SERPINE2: variants seen among roughly 807,000 people sequenced by gnomAD.
The protein encoded by SERPINE2 is serpin family E member 2, also known as glia-derived nexin.
Under a neutral mutation model 36.3 loss-of-function variants are expected in SERPINE2, and 14 were observed. The ratio of observed to expected loss-of-function variants is 0.39; its 90% confidence interval spans 0.25 to 0.60. The LOEUF (loss-of-function observed/expected upper bound fraction) is 0.60, where lower values mean the gene tolerates loss of function less well. SERPINE2 is among the 20% of genes least tolerant of loss of function. SERPINE2 has a pLI of 0.57. For missense variants in SERPINE2, 418 were observed against 499.6 expected (o/e 0.84, Z 1.56); for synonymous variants, 192 against 191.8 (o/e 1.00, Z -0.01).
chr2:224,027,808 G>A (rs1349910785), intron 1 of SERPINE2, among the ~76,000 whole-genome samples: 1 of 152,064 alleles, frequency 6.6e-6, no homozygotes, highest in African/African-American at 2.4e-5. Context: ...ATACTTCTGT[G>A]CCCCTCTAAG....
At chr2:224,020,920 T>G (rs1193465109) in intron 1 of SERPINE2, among the ~76,000 whole-genome samples, 2 of 152,202 alleles carry the variant, frequency 1.3e-5, no homozygotes, top group East Asian at 1.9e-4. Flanking sequence ...GCACTATGAA[T>G]GGATGGTCAA....
Position 224,039,278 on chromosome 2 carries a change from C to A in SERPINE2, c.-202G>T, listed in dbSNP as rs1372390512. The stretch of plus-strand genomic sequence containing the variant: ...CAGACGCCGCGCAGCCCGGGCAGCC[C>A]CACAGCGCAAGCTGGCTGCCGCGGC... On this transcript the variant is annotated 5_prime_UTR_variant, in exon 1 of 9. Coordinates refer to ENST00000409304, the MANE Select transcript of SERPINE2 (RefSeq NM_001136528.2). The surrounding 1 kb of genome is among the most constrained non-coding windows in gnomAD (Gnocchi z 5.2). The A allele has an allele frequency of 2.0e-5, 3 of 150,478 alleles. No individual in the cohort carries two copies. Among genetic ancestry groups the A allele is most frequent in the Non-Finnish European group, 4.5e-5 (3 of 67,364 alleles). 9.3% of individuals were successfully genotyped at this position (150,478 alleles called of 1,614,324 possible). A position where few individuals can be genotyped will look rare whatever the true frequency, so the allele number is the denominator to read the frequency against.
intron 1 of SERPINE2, among the ~76,000 whole-genome samples, chr2:224,007,415 T>TC (rs1387106517): frequency 3.3e-5 from 5 of 151,916 alleles, no homozygotes; most frequent in African/African-American, 4.8e-5. Context: ...TATTTAATAC[T>TC]CCCCCCCATA....
intron 1 of SERPINE2, among the ~76,000 whole-genome samples, chr2:224,002,563 G>A (rs1458702147): frequency 6.6e-6 from 1 of 151,880 alleles, no homozygotes; most frequent in East Asian, 1.9e-4. Context: ...CGCAATCTCG[G>A]CTCACTGCAA....
chr2:224,032,669 A>G (rs1175180563), intron 1 of SERPINE2, among the ~76,000 whole-genome samples: 1 of 152,176 alleles, frequency 6.6e-6, no homozygotes, highest in Non-Finnish European at 1.5e-5. Flanking sequence ...GTAAATTCCA[A>G]TTCTCAAATG....
chr2:223,982,417 C>T (rs548973255), intron 6 of SERPINE2: 42 of 304,018 alleles, frequency 1.4e-4, no homozygotes, highest in African/African-American at 6.6e-4. Flanking sequence ...TCTCAGACTT[C>T]ATCGCTATAT....
chr2:224,039,020 C>G lies in SERPINE2; in HGVS notation c.-23+79G>C, dbSNP rs1362810998. 1.3e-5 allele frequency: 2 copies of G among 151,758 alleles called. No homozygotes were observed. Among genetic ancestry groups the G allele is most frequent in the Non-Finnish European group, 2.9e-5 (2 of 67,998 alleles). 9.4% of individuals were successfully genotyped at this position (151,758 alleles called of 1,614,324 possible). On this transcript the variant is annotated intron_variant, in intron 1 of 8. Coordinates refer to ENST00000409304, the MANE Select transcript of SERPINE2 (RefSeq NM_001136528.2). The surrounding 1 kb of genome is among the most constrained non-coding windows in gnomAD (Gnocchi z 5.2). ...CAAGGTCAGGGAGCAGGGCCGGTGG[C>G]GCGCGGAGCCCCGGGGAGCGTCCCC... is the stretch of plus-strand genomic sequence containing the variant.
chr2:224,024,451 T>C (rs1204407247), intron 1 of SERPINE2, among the ~76,000 whole-genome samples: 1 of 152,184 alleles, frequency 6.6e-6, no homozygotes, highest in Non-Finnish European at 1.5e-5. Flanking sequence ...TTTGCTACAG[T>C]TGATGCTAAT....
At chr2:223,981,300 C>T (rs1307128521) in intron 6 of SERPINE2, 1 of 152,124 alleles carries the variant, frequency 6.6e-6, no homozygotes, top group East Asian at 1.9e-4. Context: ...GTGAACACCC[C>T]CCATTTAGTA....
chr2:223,998,631 G>A (rs542525817), intron 2 of SERPINE2, among the ~76,000 whole-genome samples: 1 of 152,124 alleles, frequency 6.6e-6, no homozygotes, highest in African/African-American at 2.4e-5. Flanking sequence ...TGGGAGGATC[G>A]CTGGAGCCTG....
In SERPINE2 at chr2:224,020,548, A is replaced by G. The variant is rs1691962859; in HGVS notation, c.-23+18551T>C. Reference sequence around the variant, plus strand: ...CTTCAACTAATATAATATGCTGCTGAGCTTGGAACACCTCTGCAGGAATGC... The same window carrying G: ...CTTCAACTAATATAATATGCTGCTGGGCTTGGAACACCTCTGCAGGAATGC... On this transcript the variant is annotated intron_variant, in intron 1 of 8. Coordinates refer to ENST00000409304, the MANE Select transcript of SERPINE2 (RefSeq NM_001136528.2). 2.6e-5 allele frequency among the ~76,000 whole-genome samples: 4 copies of G among 152,188 alleles called. No homozygotes were observed. The South Asian group carries it at 8.3e-4, about 32-fold the overall frequency.
At chr2:223,985,189 T>C (rs1312565626) in intron 4 of SERPINE2, 1 of 535,564 alleles carries the variant, frequency 1.9e-6, no homozygotes, top group Non-Finnish European at 3.3e-6. Context: ...TCACTTTAAT[T>C]CTGTTAAGGA....
intron 1 of SERPINE2, among the ~76,000 whole-genome samples, chr2:224,004,234 A>C (rs562715490): frequency 3.9e-4 from 60 of 152,342 alleles, no homozygotes; most frequent in Non-Finnish European, 7.5e-4. Flanking sequence ...ACATCGAGCA[A>C]GGACTGTGGG....
At position 224,001,750 on chromosome 2, in the gene SERPINE2, T is replaced by C. The variant is rs1350225270; in HGVS notation, c.151A>G (p.Ile51Val). The change falls in exon 2 of 9, where the codon ATC (isoleucine) becomes GTC (valine). Residue 51 changes from isoleucine (I) to valine (V), a missense_variant. Ile to Val is a conservative substitution (Grantham distance 29, BLOSUM62 3). Transcript: ENST00000409304. ...QIVKSRPHDN[I>V]VISPHGIASV... is the part of the protein sequence containing the mutation. ...GCAATCCCATGGGGAGAGATCACGA[T>C]GTTGTCATGAGGCCTCGACTTCACA... The C allele has an allele frequency of 8.1e-6, 13 of 1,614,082 alleles. No individual in the cohort carries two copies. Among genetic ancestry groups the C allele is most frequent in the Non-Finnish European group, 1.1e-5 (13 of 1,180,014 alleles).
At chr2:224,034,416 G>A (rs1298141704) in intron 1 of SERPINE2, among the ~76,000 whole-genome samples, 3 of 152,168 alleles carry the variant, frequency 2.0e-5, no homozygotes, top group African/African-American at 7.2e-5. Context: ...CGGTACCAGT[G>A]CAGTTTACGG....
Position 223,984,762 on chromosome 2 carries a change from T to C in SERPINE2, c.874A>G (p.Ile292Val). 1 of 1,612,428 alleles carries C rather than the reference T, an allele frequency of 6.2e-7. No individual in the cohort carries two copies. Among genetic ancestry groups the C allele is most frequent in the Non-Finnish European group, 8.5e-7 (1 of 1,179,766 alleles). The change falls in exon 5 of 9, where the codon ATC becomes GTC. Residue 292 changes from isoleucine (I) to valine (V), a missense_variant. Coordinates refer to ENST00000409304, the MANE Select transcript of SERPINE2 (RefSeq NM_001136528.2). The part of the protein sequence containing the change: ...SIMVPKRVQV[I>V]LPKFTAVAQT... ...GAAGGGGCCACTTACTTGGGCAGGA[T>C]CACCTGCACCCTCTTGGGCACCATG...
intron 3 of SERPINE2, 32 bp downstream of exon 3, chr2:223,998,081 CTA>C: frequency 6.5e-7 from 1 of 1,538,910 alleles, no homozygotes; most frequent in South Asian, 1.1e-5. Context: ...CATTCACAAA[CTA>C]TGCAATCAAA....
chr2:223,977,469 G>A, intron 8 of SERPINE2, 75 bp downstream of exon 8: 2 of 924,240 alleles, frequency 2.2e-6, no homozygotes, highest in African/African-American at 1.6e-5. Context: ...CACCACTGTT[G>A]GATATAATGA....
At chr2:224,024,327 C>T (rs933719526) in intron 1 of SERPINE2, among the ~76,000 whole-genome samples, 1 of 152,058 alleles carries the variant, frequency 6.6e-6, no homozygotes, top group African/African-American at 2.4e-5. Context: ...ACCTATCAAA[C>T]GAAAAAAGTT....
Sources: gnomAD v4.1 joint callset for allele counts (sites outside exome capture counted in the v4.1 genomes callset) on GRCh38, gnomAD v4.1.1 for gene constraint, Gnocchi (gnomAD v3.1) non-coding constraint, MANE v1.5 for transcripts, NCBI Gene and HGNC (gene_info 2026-07-23, HGNC 2026-07-21) for gene names.